The following MME variants were observed in gnomAD, a reference collection of about 807,000 sequenced individuals.
The protein encoded by MME is neprilysin.
A neutral mutation model predicts 113.2 loss-of-function variants in MME; 98 were observed. The observed-to-expected ratio is 0.87, with a 90% CI of 0.74 to 1.02. The LOEUF (loss-of-function observed/expected upper bound fraction) is 1.02, where lower values mean the gene tolerates loss of function less well. MME is among the 50% of genes least tolerant of loss of function. The pLI, the probability that MME is intolerant of heterozygous loss-of-function variation, is 0.00. For missense variants in MME, 836 were observed against 896.0 expected, an observed-to-expected ratio of 0.93 and a Z score of 0.86; for synonymous variants, 292 against 300.6, an observed-to-expected ratio of 0.97 and a Z score of 0.30.
chr3:155,149,548 C>T (rs572523131), intron 16 of MME, among the ~76,000 whole-genome samples: 3 of 151,948 alleles, frequency 2.0e-5, no homozygotes, highest in Non-Finnish European at 2.9e-5. Flanking sequence ...TTTTGGAACA[C>T]GAAGTCCAGG....
intron 15 of MME, among the ~76,000 whole-genome samples, 155 bp downstream of exon 15, chr3:155,147,379 T>C (rs543339619): frequency 2.0e-5 from 3 of 152,292 alleles, no homozygotes; most frequent in Admixed American, 2.0e-4. Flanking sequence ...ATGATATTTG[T>C]TTTAGCCTTT....
At position 155,101,389 on chromosome 3, in the gene MME, T is replaced by C. The variant is rs138271311; in HGVS notation, c.197-13605T>C. On this transcript the variant is annotated intron_variant, in intron 3 of 22. Transcript: ENST00000360490. ...AAGTTGACAAATTGGTTGAGTACCA[T>C]ATGGAACTCCAGCTGTAGGATCAGT... 1.1e-4 allele frequency among the ~76,000 whole-genome samples: 16 copies of C among 152,254 alleles called. No homozygotes were observed. In the East Asian group the frequency reaches 2.9e-3, roughly 28 times the overall value.
chr3:155,092,214 G>A (rs956494168), intron 3 of MME, among the ~76,000 whole-genome samples: 1 of 152,190 alleles, frequency 6.6e-6, no homozygotes, highest in Admixed American at 6.5e-5. Context: ...CCTCACGGAT[G>A]CACCCAGAAA....
chr3:155,173,643 A>G (rs1467908405), intron 22 of MME, among the ~76,000 whole-genome samples: 1 of 151,812 alleles, frequency 6.6e-6, no homozygotes, highest in African/African-American at 2.4e-5. Context: ...CATTCACTCA[A>G]TAACTGCTTA....
intron 1 of MME, among the ~76,000 whole-genome samples, chr3:155,055,830 C>T (rs531165381): frequency 2.5e-4 from 38 of 152,116 alleles, no homozygotes; most frequent in South Asian, 6.2e-4. Flanking sequence ...TGTATACTTA[C>T]GACTTATTCA....
chr3:155,089,962 A>G (rs1439218172), intron 3 of MME: 7 of 335,466 alleles, frequency 2.1e-5, no homozygotes, highest in African/African-American at 1.5e-4. Context: ...TCTATCTCCA[A>G]AAAAAAGAAA....
At chr3:155,154,880 A>G (rs1228505468) in intron 16 of MME, among the ~76,000 whole-genome samples, 1 of 152,184 alleles carries the variant, frequency 6.6e-6, no homozygotes, top group Admixed American at 6.5e-5. Flanking sequence ...GATGATTTGT[A>G]AAAAGGACTA....
In MME at chr3:155,118,749, G is replaced by T; in HGVS notation, c.658G>T (p.Asp220Tyr). Residue 220 changes from aspartate (D) to tyrosine (Y), a missense_variant, in exon 8 of 23, where the codon GAC (aspartate) becomes TAC (tyrosine). Physicochemically the swap from Asp to Tyr is radical, Grantham distance 160. Transcript: ENST00000360490. ...CTTTTATGTATATTTTTTATAGATT[G>T]ACCAACCTCGACTTGGCCTCCCTTC... is the stretch of plus-strand genomic sequence containing the variant. Reference protein sequence around the residue: ...KNSVNHVIHIDQPRLGLPSRD... With the variant: ...KNSVNHVIHIYQPRLGLPSRD... 1 of 1,587,962 alleles carries T rather than the reference G, an allele frequency of 6.3e-7. No homozygotes were observed. The highest frequency in any genetic ancestry group is 1.1e-5 in the South Asian group (1 of 89,742).
At chr3:155,097,704 T>C (rs1716856987) in intron 3 of MME, among the ~76,000 whole-genome samples, 1 of 152,140 alleles carries the variant, frequency 6.6e-6, no homozygotes, top group South Asian at 2.1e-4. Context: ...GTTTGGAAGC[T>C]AGGAGGGACA....
intron 22 of MME, among the ~76,000 whole-genome samples, chr3:155,178,124 A>G (rs891447012): frequency 5.9e-5 from 9 of 152,138 alleles, no homozygotes; most frequent in African/African-American, 2.2e-4. Flanking sequence ...GGGAAGGCCA[A>G]TCATCTCCCT....
chr3:155,035,260 T>G (rs574114414), intron 1 of MME, among the ~76,000 whole-genome samples: 9 of 148,780 alleles, frequency 6.0e-5, no homozygotes, highest in Admixed American at 4.7e-4. Flanking sequence ...GTCTATAATA[T>G]AAATATAAAA....
chr3:155,182,652 G>A lies in MME; in HGVS notation c.*2193G>A, dbSNP rs1713208547. On this transcript the variant is annotated 3_prime_UTR_variant, in exon 23 of 23. Coordinates refer to ENST00000360490, the MANE Select transcript of MME (RefSeq NM_007289.4). ...TTATTTCCATCATGTCAGAGCAGGT[G>A]AAGAGCCAGAAGTGAAGAGTGACTA... The A allele has an allele frequency of 6.6e-6, 1 of 152,232 alleles. No individual in the cohort carries two copies. Among genetic ancestry groups the A allele is most frequent in the African/African-American group, 2.4e-5 (1 of 41,466 alleles). The allele number at this position is 152,232 out of a possible 1,614,324, so 9.4% of individuals were successfully genotyped here.
At chr3:155,080,729 A>G (rs970344061) in intron 1 of MME, among the ~76,000 whole-genome samples, 4 of 152,194 alleles carry the variant, frequency 2.6e-5, no homozygotes, top group African/African-American at 4.8e-5. Flanking sequence ...AATTGCAACC[A>G]AATATCCCTC....
chr3:155,174,504 A>G (rs1394718492), intron 22 of MME, among the ~76,000 whole-genome samples: 2 of 152,052 alleles, frequency 1.3e-5, no homozygotes, highest in Non-Finnish European at 2.9e-5. Context: ...GAAACAGGCC[A>G]CTTCCTGGCT....
chr3:155,136,782 A>T (rs939276922), intron 8 of MME, among the ~76,000 whole-genome samples: 2 of 152,202 alleles, frequency 1.3e-5, no homozygotes, highest in Non-Finnish European at 2.9e-5. Context: ...TTCCATAAGG[A>T]TGTAAAATAT....
At chr3:155,061,268 T>C (rs112118105) in intron 1 of MME, among the ~76,000 whole-genome samples, 85,850 of 151,716 alleles carry the variant, frequency 0.57, 25,289 homozygotes, top group East Asian at 0.66. Flanking sequence ...CTGGCTAACA[T>C]GGTGAAACCC....
chr3:155,125,591 C>T (rs920096312), intron 8 of MME, among the ~76,000 whole-genome samples: 8 of 151,198 alleles, frequency 5.3e-5, no homozygotes, highest in Non-Finnish European at 1.2e-4. Context: ...CTCCTGAGTA[C>T]CTGGGATTAC....
intron 17 of MME, among the ~76,000 whole-genome samples, chr3:155,162,549 A>G (rs1722795148): frequency 6.6e-6 from 1 of 152,166 alleles, no homozygotes. Flanking sequence ...ATATAAAATA[A>G]GAAAACTTGT....
chr3:155,086,825 G>A (rs571429162), intron 3 of MME, among the ~76,000 whole-genome samples: 1 of 151,914 alleles, frequency 6.6e-6, no homozygotes, highest in Admixed American at 6.6e-5. Flanking sequence ...ATTTATTTGA[G>A]GCAGGATCTT....
Sources: allele counts gnomAD v4.1 joint callset (sites outside exome capture counted in the v4.1 genomes callset), GRCh38; gene constraint gnomAD v4.1.1; transcripts MANE v1.5; gene names NCBI Gene and HGNC (gene_info 2026-07-23, HGNC 2026-07-21).